The following ARHGAP24 variants were observed in gnomAD, a reference collection of about 807,000 sequenced individuals.
The protein encoded by ARHGAP24 is Rho GTPase activating protein 24.
A neutral mutation model predicts 76.4 loss-of-function variants in ARHGAP24; 50 were observed. The ratio of observed to expected loss-of-function variants is 0.65; its 90% CI spans 0.52 to 0.83. The LOEUF (loss-of-function observed/expected upper bound fraction) is 0.83. Ranked by LOEUF, ARHGAP24 falls within the 40% of genes least tolerant of loss-of-function variation. ARHGAP24 has a pLI of 0.00. For synonymous variants in ARHGAP24, 345 were observed against 323.3 expected (o/e 1.07, Z -0.72); for missense variants, 930 against 914.2 (o/e 1.02, Z -0.22).
intron 5 of ARHGAP24, among the ~76,000 whole-genome samples, chr4:85,966,221 A>T (rs1187366416): frequency 6.6e-6 from 1 of 152,104 alleles, no homozygotes; most frequent in South Asian, 2.1e-4. Context: ...AATTCATCTA[A>T]CCCTAATTAC....
At chr4:85,554,702 C>T (rs1726279578) in intron 1 of ARHGAP24, among the ~76,000 whole-genome samples, 1 of 152,068 alleles carries the variant, frequency 6.6e-6, no homozygotes, top group South Asian at 2.1e-4. Context: ...CACTCTGTCA[C>T]CCAGGCTGGA....
chr4:85,665,550 T>C (rs1395447624), intron 2 of ARHGAP24, among the ~76,000 whole-genome samples: 2 of 152,212 alleles, frequency 1.3e-5, no homozygotes, highest in Non-Finnish European at 2.9e-5. Flanking sequence ...AATTTGATCC[T>C]GTCATTATGA....
rs369418405 is a variant in ARHGAP24, at chr4:85,722,716, C to T, written c.268+744C>T. ...TCAATTCTTCAACTTTTCCTTATCC[C>T]TCAATGTAAGAAAAAGGGAGGTAGG... On this transcript the variant is annotated intron_variant, in intron 3 of 9. Coordinates refer to ENST00000395184, the MANE Select transcript of ARHGAP24 (RefSeq NM_001025616.3). 1.2e-4 allele frequency among the ~76,000 whole-genome samples: 18 copies of T among 152,206 alleles called. No homozygotes were observed. In the East Asian group the frequency reaches 1.5e-3, roughly 13 times the overall value.
At chr4:85,777,741 T>C (rs1276872809) in intron 3 of ARHGAP24, among the ~76,000 whole-genome samples, 1 of 151,274 alleles carries the variant, frequency 6.6e-6, no homozygotes, top group Non-Finnish European at 1.5e-5. Flanking sequence ...AGGGATGAGA[T>C]AGATCTTATG....
intron 3 of ARHGAP24, among the ~76,000 whole-genome samples, chr4:85,764,635 T>A (rs973821480): frequency 6.6e-6 from 1 of 150,908 alleles, no homozygotes; most frequent in Non-Finnish European, 1.5e-5. Context: ...AGAGTAATTG[T>A]TTTTTTTTAC....
At chr4:85,777,275 A>G (rs1727342132) in intron 3 of ARHGAP24, among the ~76,000 whole-genome samples, 1 of 152,248 alleles carries the variant, frequency 6.6e-6, no homozygotes, top group African/African-American at 2.4e-5. Flanking sequence ...TTCCTGCCAA[A>G]GAACAGGGCA....
intron 1 of ARHGAP24, among the ~76,000 whole-genome samples, chr4:85,550,299 G>A (rs1726078337): frequency 6.6e-6 from 1 of 152,164 alleles, no homozygotes; most frequent in South Asian, 2.1e-4. Flanking sequence ...TTATTGAATA[G>A]GGAATTCTTT....
At chr4:85,896,625 C>A (rs771921936) in intron 3 of ARHGAP24, among the ~76,000 whole-genome samples, 1 of 152,166 alleles carries the variant, frequency 6.6e-6, no homozygotes, top group Non-Finnish European at 1.5e-5. Context: ...AGGGCTAAAT[C>A]TATATCCAAG....
intron 3 of ARHGAP24, among the ~76,000 whole-genome samples, chr4:85,882,137 C>G (rs920932543): frequency 7.5e-5 from 11 of 146,488 alleles, no homozygotes; most frequent in Non-Finnish European, 3.0e-5. Context: ...CTTTCCAACT[C>G]TATGGTTGGG....
At chr4:85,646,805 C>G (rs575620810) in intron 2 of ARHGAP24, among the ~76,000 whole-genome samples, 8 of 152,108 alleles carry the variant, frequency 5.3e-5, no homozygotes, top group Admixed American at 5.2e-4. Flanking sequence ...AGGGTGCTTG[C>G]TATATTTTTG....
At chr4:85,620,463 T>G (rs1334367329) in intron 2 of ARHGAP24, among the ~76,000 whole-genome samples, 1 of 151,908 alleles carries the variant, frequency 6.6e-6, no homozygotes, top group Non-Finnish European at 1.5e-5. Flanking sequence ...TTGTCTTTTA[T>G]GATCGTTTGT....
At chr4:85,648,376 A>G (rs1221422253) in intron 2 of ARHGAP24, among the ~76,000 whole-genome samples, 1 of 152,126 alleles carries the variant, frequency 6.6e-6, no homozygotes, top group Non-Finnish European at 1.5e-5. Flanking sequence ...ACTGAGTTTG[A>G]GATACACAGG....
chr4:85,989,787 G>A (rs1000876630), intron 8 of ARHGAP24, among the ~76,000 whole-genome samples: 12 of 151,060 alleles, frequency 7.9e-5, no homozygotes, highest in African/African-American at 2.4e-4. Flanking sequence ...AAAAATCATC[G>A]CGGATGCAGA....
intron 3 of ARHGAP24, among the ~76,000 whole-genome samples, chr4:85,870,199 T>C (rs908991139): frequency 1.3e-5 from 2 of 152,178 alleles, no homozygotes; most frequent in Non-Finnish European, 2.9e-5. Context: ...TATATTATCA[T>C]ATACTATATA....
chr4:85,871,632 G>A (rs139067882), intron 3 of ARHGAP24, among the ~76,000 whole-genome samples: 2 of 152,288 alleles, frequency 1.3e-5, no homozygotes, highest in African/African-American at 4.8e-5. Flanking sequence ...AAGTGTGATG[G>A]TTGGTAAATT....
At chr4:85,767,018 T>C (rs1187829987) in intron 3 of ARHGAP24, among the ~76,000 whole-genome samples, 1 of 152,168 alleles carries the variant, frequency 6.6e-6, no homozygotes, top group Non-Finnish European at 1.5e-5. Context: ...CTGCCTACAG[T>C]ATTCAGTACA....
Position 85,498,736 on chromosome 4 carries a change from C to G in ARHGAP24, c.-21+23177C>G, listed in dbSNP as rs759630602. On this transcript the variant is annotated intron_variant, in intron 1 of 9. Transcript: ENST00000395184. ...GATTCTAACAGATTGCTCGAGTGAG[C>G]CTTCTCTACACTAAACTTCAAGAAT... Among the ~76,000 whole-genome samples, 58 of 152,298 alleles carry G rather than the reference C, an allele frequency of 3.8e-4. No homozygotes were observed. The Middle Eastern group carries it at 0.01, about 27-fold the overall frequency.
At chr4:85,570,940 T>C in intron 2 of ARHGAP24, 1 of 497,318 alleles carries the variant, frequency 2.0e-6, no homozygotes, top group East Asian at 3.6e-5. Context: ...ATATTAATTT[T>C]AATATTTACT....
rs1739230055 is a variant in ARHGAP24, at chr4:85,974,809, T to A, written c.733-79T>A. 3 of 1,365,714 alleles carry A rather than the reference T, an allele frequency of 2.2e-6. No individual in the cohort carries two copies. The African/African-American group carries it at 4.3e-5, about 20-fold the overall frequency. The allele number at this position is 1,365,714 out of a possible 1,614,324, so 84.6% of individuals were successfully genotyped here. ...CATGTGAAACTAATTTTTTAAAAAA[T>A]TATATGGCCATTTCGACTTGCTTTA... On this transcript the variant is annotated intron_variant, in intron 6 of 9. Transcript: ENST00000395184.
Sources: gnomAD v4.1 joint callset for allele counts (sites outside exome capture counted in the v4.1 genomes callset) on GRCh38, gnomAD v4.1.1 for gene constraint, MANE v1.5 for transcripts, NCBI Gene and HGNC (gene_info 2026-07-23, HGNC 2026-07-21) for gene names.